Variants in RALGAPA2 observed in about 807,000 individuals in gnomAD.
The protein encoded by RALGAPA2 is Ral GTPase activating protein catalytic subunit alpha 2, also known as ral GTPase-activating protein subunit alpha-2.
Under a neutral mutation model 230.4 loss-of-function variants are expected in RALGAPA2, and 139 were observed. The observed-to-expected ratio is 0.60, with a 90% CI of 0.53 to 0.69. The LOEUF (loss-of-function observed/expected upper bound fraction) is 0.69. Among genes scored for constraint, RALGAPA2 ranks in the 30% least tolerant of loss-of-function variants. The pLI is 0.00. For missense variants in RALGAPA2, 2,163 were observed against 2,276.0 expected (o/e 0.95, Z 1.01); for synonymous variants, 847 against 837.8 (o/e 1.01, Z -0.19).
At chr20:20,664,362 T>C (rs1298952037) in intron 3 of RALGAPA2, among the ~76,000 whole-genome samples, 1 of 152,180 alleles carries the variant, frequency 6.6e-6, no homozygotes, top group Non-Finnish European at 1.5e-5. Context: ...CTAATCTCTT[T>C]TTAAAGAAAA....
At chr20:20,524,992 C>G in intron 28 of RALGAPA2, 94 bp from the exon 29 acceptor site, 2 of 1,134,872 alleles carry the variant, frequency 1.8e-6, no homozygotes, top group Non-Finnish European at 2.5e-6. Context: ...GCAACTAAAC[C>G]CAGCTTGGTG....
chr20:20,564,463 TAC>T (rs2064352009), intron 23 of RALGAPA2, among the ~76,000 whole-genome samples: 2 of 152,246 alleles, frequency 1.3e-5, no homozygotes, highest in South Asian at 2.1e-4. Flanking sequence ...TGATGGTTAG[TAC>T]AGATACTTGT....
Position 20,668,121 on chromosome 20 carries a change from G to A in RALGAPA2, c.270+8115C>T, listed in dbSNP as rs572810821. ...AGTGGTCTTTCAAACGATGAGATAC[G>A]GCTCTACTGGAGGACTCTAGAGCCT... On this transcript the variant is annotated intron_variant, in intron 3 of 39. Transcript: ENST00000202677. Among the ~76,000 whole-genome samples, 19 of 152,258 alleles carry A rather than the reference G, an allele frequency of 1.2e-4. No individual in the cohort carries two copies. In the South Asian group the frequency reaches 3.1e-3, roughly 25 times the overall value.
rs530871442 is a variant in RALGAPA2, at chr20:20,389,901, A to G, written c.*3388T>C. On this transcript the variant is annotated 3_prime_UTR_variant, in exon 40 of 40. Coordinates refer to ENST00000202677, the MANE Select transcript of RALGAPA2 (RefSeq NM_020343.4). ...TATAACTTAATTTACCATATTTATC[A>G]AATTTTTTCCTTATTTACATGTACT... is the stretch of plus-strand genomic sequence containing the variant. 1 of 152,290 alleles carries G rather than the reference A, an allele frequency of 6.6e-6. No individual in the cohort carries two copies. The highest frequency in any genetic ancestry group is 6.5e-5 in the Admixed American group (1 of 15,298). 9.4% of individuals were successfully genotyped at this position (152,290 alleles called of 1,614,324 possible). A position where few individuals can be genotyped will look rare whatever the true frequency, so the allele number is the denominator to read the frequency against.
chr20:20,471,804 T>C (rs1602471437), intron 37 of RALGAPA2: 1 of 152,196 alleles, frequency 6.6e-6, no homozygotes, highest in East Asian at 1.9e-4. Flanking sequence ...CCACATGGCA[T>C]ATGTATTTTT....
chr20:20,503,460 T>C lies in RALGAPA2; in HGVS notation c.5099A>G (p.Asn1700Ser), dbSNP rs1309384419. ...AGGGGCCGTCTGCCCGGTGCTGCCA[T>C]TGCGCTGAAGGCCACCCATGAACCC... is the stretch of plus-strand genomic sequence containing the variant. Reference protein sequence around the residue: ...HCGFMGGLQRNGSTGQTAPYY... With the variant: ...HCGFMGGLQRSGSTGQTAPYY... Residue 1700 changes from asparagine (N) to serine (S), a missense_variant, in exon 35 of 40, where the codon AAT becomes AGT. By Grantham distance (46) the Asn-to-Ser change is conservative. Coordinates refer to ENST00000202677, the MANE Select transcript of RALGAPA2 (RefSeq NM_020343.4). The C allele has an allele frequency of 1.9e-6, 3 of 1,606,440 alleles. No homozygotes were observed. Among genetic ancestry groups the C allele is most frequent in the African/African-American group, 2.7e-5 (2 of 74,322 alleles).
chr20:20,645,086 T>G (rs1186615597), intron 4 of RALGAPA2, among the ~76,000 whole-genome samples: 1 of 151,442 alleles, frequency 6.6e-6, no homozygotes, highest in African/African-American at 2.4e-5. Flanking sequence ...GGGTCTGGCT[T>G]GTTTTTGGTG....
At chr20:20,646,078 G>A (rs2067206633) in intron 4 of RALGAPA2, among the ~76,000 whole-genome samples, 1 of 150,584 alleles carries the variant, frequency 6.6e-6, no homozygotes, top group African/African-American at 2.4e-5. Context: ...TTTTTGAGAT[G>A]GGGTCTCACT....
At chr20:20,537,393 G>A (rs997700466) in intron 24 of RALGAPA2, among the ~76,000 whole-genome samples, 5 of 152,078 alleles carry the variant, frequency 3.3e-5, no homozygotes, top group African/African-American at 1.2e-4. Flanking sequence ...GCTGAGGCGG[G>A]TGGATCACCT....
At chr20:20,411,962 C>T (rs2060068837) in intron 38 of RALGAPA2, 65 bp downstream of exon 38, 1 of 1,581,502 alleles carries the variant, frequency 6.3e-7, no homozygotes, top group South Asian at 1.1e-5. Context: ...CTGTGAAAAA[C>T]AGGTGTACAT....
intron 37 of RALGAPA2, among the ~76,000 whole-genome samples, chr20:20,421,480 G>C (rs1481950432): frequency 6.6e-6 from 1 of 152,182 alleles, no homozygotes; most frequent in Non-Finnish European, 1.5e-5. Context: ...AGACCAGCCT[G>C]ACCAACGTGG....
intron 3 of RALGAPA2, among the ~76,000 whole-genome samples, chr20:20,673,290 AC>A (rs201064949): frequency 0.046 from 6,933 of 151,978 alleles, 253 homozygotes; most frequent in East Asian, 0.16. Flanking sequence ...TACACCAAAA[AC>A]AGAGTTTAAA....
At chr20:20,684,415 G>C (rs758441282) in intron 1 of RALGAPA2, among the ~76,000 whole-genome samples, 24 of 152,148 alleles carry the variant, frequency 1.6e-4, no homozygotes, top group Non-Finnish European at 2.4e-4. Context: ...CAAACAAAGA[G>C]GGTCCTCAGC....
intron 24 of RALGAPA2, among the ~76,000 whole-genome samples, chr20:20,544,016 T>C (rs1266646910): frequency 6.6e-6 from 1 of 151,820 alleles, no homozygotes; most frequent in African/African-American, 2.4e-5. Context: ...AAAGAAGACT[T>C]ATGTGGCCAA....
chr20:20,425,601 T>C (rs967269), intron 37 of RALGAPA2, among the ~76,000 whole-genome samples: 92,384 of 152,022 alleles, frequency 0.61, 28,049 homozygotes, highest in African/African-American at 0.64. Context: ...CAAATGAAAG[T>C]GACTTACAAA....
chr20:20,605,532 GA>G lies in RALGAPA2; in HGVS notation c.1801-121del, dbSNP rs2065793795. On this transcript the variant is annotated intron_variant, in intron 14 of 39. Coordinates refer to ENST00000202677, the MANE Select transcript of RALGAPA2 (RefSeq NM_020343.4). The stretch of plus-strand genomic sequence containing the variant: ...AATTTTAAAATAAAAAGTACTTTTG[GA>G]AGTTGTTTTTCTTTTAATTCTCAAA... The G allele has an allele frequency of 1.7e-5, 14 of 813,036 alleles. No individual in the cohort carries two copies. The South Asian group carries it at 2.8e-4, about 16-fold the overall frequency. The allele number at this position is 813,036 out of a possible 1,614,324, so 50.4% of individuals were successfully genotyped here. A position where few individuals can be genotyped will look rare whatever the true frequency, so the allele number is the denominator to read the frequency against.
intron 3 of RALGAPA2, among the ~76,000 whole-genome samples, chr20:20,657,869 G>C (rs1014666802): frequency 6.6e-6 from 1 of 152,174 alleles, no homozygotes; most frequent in Non-Finnish European, 1.5e-5. Flanking sequence ...CATACCCACT[G>C]TTCTTCAGGT....
Position 20,703,031 on chromosome 20 carries a change from G to T in RALGAPA2, c.106+9344C>A, listed in dbSNP as rs146287343. On this transcript the variant is annotated intron_variant, in intron 1 of 39. Transcript: ENST00000202677. ...CTACTAAAAACACAAAAATTAGCCAGGCATGGTGGCACAAGCCTGTGATCC... is the reference window on the plus strand; with the variant it reads ...CTACTAAAAACACAAAAATTAGCCATGCATGGTGGCACAAGCCTGTGATCC... Among the ~76,000 whole-genome samples the T allele has an allele frequency of 1.8e-3, 269 of 152,190 alleles. 2 individuals are homozygous for T. The highest frequency in any genetic ancestry group is 6.2e-3 in the African/African-American group (256 of 41,534).
chr20:20,682,356 T>G (rs1048196970), intron 1 of RALGAPA2, among the ~76,000 whole-genome samples: 1 of 152,180 alleles, frequency 6.6e-6, no homozygotes, highest in Non-Finnish European at 1.5e-5. Flanking sequence ...AATCCTTGAG[T>G]GCCTTGTGGA....
Sources: allele counts gnomAD v4.1 joint callset (sites outside exome capture counted in the v4.1 genomes callset), GRCh38; gene constraint gnomAD v4.1.1; transcripts MANE v1.5; gene names NCBI Gene and HGNC (gene_info 2026-07-23, HGNC 2026-07-21).